Variants in ELMO1 observed in about 807,000 individuals in gnomAD.
ELMO1 encodes engulfment and cell motility 1, also known as engulfment and cell motility protein 1.
ELMO1 carries 26 observed loss-of-function variants against 98.9 expected under a neutral mutation model. The ratio of observed to expected loss-of-function variants is 0.26; its 90% confidence interval spans 0.19 to 0.36. The LOEUF (loss-of-function observed/expected upper bound fraction) is 0.36, where lower values mean the gene tolerates loss of function less well. ELMO1 is among the 10% of genes least tolerant of loss of function. The probability of loss-of-function intolerance (pLI) is 1.00; values close to 1 mark genes in which losing one functional copy is unlikely to be tolerated. For synonymous variants in ELMO1, 346 were observed against 346.0 expected (o/e 1.00, Z 0.00); for missense variants, 627 against 935.2 (o/e 0.67, Z 4.30).
At chr7:37,131,205 G>C (rs527440137) in intron 14 of ELMO1, among the ~76,000 whole-genome samples, 8 of 151,358 alleles carry the variant, frequency 5.3e-5, no homozygotes, top group South Asian at 4.2e-4. Context: ...AAGTCAAATG[G>C]GACACAGAAA....
At chr7:37,420,276 A>C (rs2131529630) in intron 1 of ELMO1, among the ~76,000 whole-genome samples, 1 of 152,348 alleles carries the variant, frequency 6.6e-6, no homozygotes, top group South Asian at 2.1e-4. Context: ...AGATGGTTTT[A>C]TTAGGTAGTA....
At chr7:37,104,978 C>A (rs894136722) in intron 14 of ELMO1, among the ~76,000 whole-genome samples, 1 of 151,998 alleles carries the variant, frequency 6.6e-6, no homozygotes, top group African/African-American at 2.4e-5. Context: ...GGCAATTGCA[C>A]ATACAGAGGC....
chr7:36,917,459 T>C (rs905163480), intron 16 of ELMO1, among the ~76,000 whole-genome samples: 1 of 151,920 alleles, frequency 6.6e-6, no homozygotes, highest in African/African-American at 2.4e-5. Flanking sequence ...ATTAGAAAAA[T>C]AGAGAATTGG....
At chr7:36,860,936 T>C (rs1562776933) in intron 21 of ELMO1, among the ~76,000 whole-genome samples, 2 of 152,226 alleles carry the variant, frequency 1.3e-5, no homozygotes, top group African/African-American at 4.8e-5. Flanking sequence ...AAAAGTCAGA[T>C]TCTATTAAAA....
chr7:36,959,232 G>A (rs1312323540), intron 16 of ELMO1, among the ~76,000 whole-genome samples: 1 of 151,712 alleles, frequency 6.6e-6, no homozygotes. Context: ...ATCTGCCCTT[G>A]CCAGATCTGC....
intron 13 of ELMO1, among the ~76,000 whole-genome samples, chr7:37,173,926 T>C (rs80102922): frequency 0.041 from 6,224 of 152,232 alleles, 440 homozygotes; most frequent in African/African-American, 0.14. Context: ...ACTGAATCCA[T>C]GGCCACATCA....
intron 7 of ELMO1, among the ~76,000 whole-genome samples, chr7:37,237,011 T>C (rs189521234): frequency 6.6e-6 from 1 of 152,344 alleles, no homozygotes; most frequent in Admixed American, 6.5e-5. Flanking sequence ...TTGTATTTTG[T>C]AAACTGTTAG....
At chr7:37,242,221 T>C (rs1053196057) in intron 7 of ELMO1, among the ~76,000 whole-genome samples, 8 of 152,210 alleles carry the variant, frequency 5.3e-5, no homozygotes, top group African/African-American at 1.9e-4. Flanking sequence ...CTACTATCTC[T>C]TCTTCTGACA....
At chr7:37,186,499 C>T (rs138624712) in intron 13 of ELMO1, among the ~76,000 whole-genome samples, 1 of 152,192 alleles carries the variant, frequency 6.6e-6, no homozygotes, top group Non-Finnish European at 1.5e-5. Flanking sequence ...TTTCACGCTT[C>T]AAAAGACACT....
chr7:37,418,330 A>C (rs17261508), intron 1 of ELMO1, among the ~76,000 whole-genome samples: 25,454 of 152,160 alleles, frequency 0.17, 2,302 homozygotes, highest in South Asian at 0.26. Context: ...TCTACCCCTA[A>C]GTATTTTCTA....
At chr7:37,397,190 C>T (rs948389676) in intron 1 of ELMO1, among the ~76,000 whole-genome samples, 1 of 152,204 alleles carries the variant, frequency 6.6e-6, no homozygotes, top group Non-Finnish European at 1.5e-5. Context: ...CAAGGAACAA[C>T]ATAAGACCCA....
At chr7:37,192,107 T>C (rs1168133814) in intron 13 of ELMO1, among the ~76,000 whole-genome samples, 1 of 152,166 alleles carries the variant, frequency 6.6e-6, no homozygotes, top group Non-Finnish European at 1.5e-5. Flanking sequence ...CTATGAGTGA[T>C]TTCTCGTGTG....
chr7:36,879,019 C>A (rs1451181483), intron 18 of ELMO1, among the ~76,000 whole-genome samples: 1 of 152,226 alleles, frequency 6.6e-6, no homozygotes, highest in Non-Finnish European at 1.5e-5. Context: ...CTTCTTTGCA[C>A]CACCAGTTTG....
At chr7:37,396,317 A>C (rs573498819) in intron 1 of ELMO1, among the ~76,000 whole-genome samples, 85 of 152,292 alleles carry the variant, frequency 5.6e-4, no homozygotes, top group African/African-American at 1.9e-3. Flanking sequence ...CTGGGAGGCC[A>C]AGATGGGAGG....
chr7:37,003,142 C>T (rs905082590), intron 16 of ELMO1, among the ~76,000 whole-genome samples: 1 of 152,214 alleles, frequency 6.6e-6, no homozygotes, highest in East Asian at 1.9e-4. Context: ...AAGAAGGAGG[C>T]GGGCAGAAGA....
At chr7:37,423,456 T>C (rs973387595) in intron 1 of ELMO1, among the ~76,000 whole-genome samples, 7 of 152,160 alleles carry the variant, frequency 4.6e-5, no homozygotes, top group African/African-American at 1.7e-4. Flanking sequence ...GGTGGCTGCC[T>C]GTAATCCCAG....
chr7:37,123,352 C>G (rs1181069371), intron 14 of ELMO1, among the ~76,000 whole-genome samples: 3 of 151,952 alleles, frequency 2.0e-5, no homozygotes, highest in Non-Finnish European at 2.9e-5. Flanking sequence ...CCAGGAGCTG[C>G]TTTTTTGAAA....
Position 37,249,786 on chromosome 7 carries a change from A to C in ELMO1, c.414-5395T>G, listed in dbSNP as rs903920971. ...TTGCTAAAAGAAAAGCTGATTTAAA[A>C]ATATTCAGAAAGCCAGGCCCGGTAG... On this transcript the variant is annotated intron_variant, in intron 6 of 21. Transcript: ENST00000310758. 2.0e-5 allele frequency among the ~76,000 whole-genome samples: 3 copies of C among 152,254 alleles called. No homozygotes were observed. The South Asian group carries it at 6.2e-4, about 31-fold the overall frequency.
chr7:37,298,203 A>C (rs1039395902), intron 4 of ELMO1, among the ~76,000 whole-genome samples: 5 of 151,902 alleles, frequency 3.3e-5, no homozygotes, highest in Non-Finnish European at 7.4e-5. Context: ...CAGTGCTGAC[A>C]AGTCTAGAGC....
Sources: allele counts gnomAD v4.1 joint callset (sites outside exome capture counted in the v4.1 genomes callset), GRCh38; gene constraint gnomAD v4.1.1; transcripts MANE v1.5; gene names NCBI Gene and HGNC (gene_info 2026-07-23, HGNC 2026-07-21).